The following BICDL1 variants were observed in gnomAD, a reference collection of about 807,000 sequenced individuals.
BICDL1 encodes BICD family-like cargo adapter 1.
In BICDL1, 20 loss-of-function variants were observed where a neutral mutation model predicts 76.8. That is an observed-to-expected ratio of 0.26 (90% CI 0.18 to 0.38). BICDL1 has a LOEUF of 0.38. Among genes scored for constraint, BICDL1 ranks in the 10% least tolerant of loss-of-function variants. The probability of loss-of-function intolerance (pLI) is 1.00; values close to 1 mark genes in which losing one functional copy is unlikely to be tolerated. For synonymous variants in BICDL1, 383 were observed against 337.1 expected, an observed-to-expected ratio of 1.14 and a Z score of -1.49; for missense variants, 700 against 798.6, an observed-to-expected ratio of 0.88 and a Z score of 1.49.
chr12:120,074,314 C>A (rs901542271), intron 6 of BICDL1, 129 bp from the exon 7 acceptor site: 24 of 454,086 alleles, frequency 5.3e-5, no homozygotes, highest in Non-Finnish European at 6.8e-5. Flanking sequence ...ACTATCTTTC[C>A]CCACATCATT....
chr12:120,094,334 A>G lies in BICDL1; in HGVS notation c.*1173A>G, dbSNP rs1423945006. 2.2e-6 allele frequency: 1 copy of G among 456,218 alleles called. No individual in the cohort carries two copies. Among genetic ancestry groups the G allele is most frequent in the Non-Finnish European group, 4.4e-6 (1 of 226,704 alleles). The allele number at this position is 456,218 out of a possible 1,614,324, so 28.3% of individuals were successfully genotyped here. ...AGAATGTACCTGTAGATGTGTACAT[A>G]CCACAGTGCTGTAATTTTGTATGTA... On this transcript the variant is annotated 3_prime_UTR_variant, in exon 10 of 10. Coordinates refer to ENST00000548673, the MANE Select transcript of BICDL1 (RefSeq NM_001367886.1).
chr12:120,060,382 G>T (rs533972791), intron 2 of BICDL1, among the ~76,000 whole-genome samples: 1 of 152,296 alleles, frequency 6.6e-6, no homozygotes, highest in South Asian at 2.1e-4. Context: ...GCAGCCTAAT[G>T]CTGATTCCTT....
rs1873775534 is a variant in BICDL1, at chr12:120,079,037, G to A, written c.1453-1850G>A. 6.6e-6 allele frequency among the ~76,000 whole-genome samples: 1 copy of A among 152,238 alleles called. No homozygotes were observed. Among genetic ancestry groups the A allele is most frequent in the Admixed American group, 6.5e-5 (1 of 15,290 alleles). On this transcript the variant is annotated intron_variant, in intron 7 of 9. Coordinates refer to ENST00000548673, the MANE Select transcript of BICDL1 (RefSeq NM_001367886.1). This position sits in a 1 kb window ranked among gnomAD's most constrained non-coding sequence, Gnocchi z 4.3. ...TCGGGGCTAGATGCATGTGTGTGCT[G>A]GGTAGCTGCAGGTGCTCCAGCCTGT...
chr12:120,024,924 C>T (rs915403158), intron 2 of BICDL1, among the ~76,000 whole-genome samples: 3 of 152,246 alleles, frequency 2.0e-5, no homozygotes, highest in South Asian at 2.1e-4. Context: ...ATGATCTTCC[C>T]GCCTTGGCCT....
intron 2 of BICDL1, among the ~76,000 whole-genome samples, chr12:120,014,679 G>A (rs1202870974): frequency 6.7e-6 from 1 of 149,804 alleles, no homozygotes; most frequent in Non-Finnish European, 1.5e-5. Context: ...GACAGAGCGA[G>A]ACTCCATCTC....
At chr12:120,037,685 A>C (rs192244106) in intron 2 of BICDL1, among the ~76,000 whole-genome samples, 1 of 152,310 alleles carries the variant, frequency 6.6e-6, no homozygotes, top group East Asian at 1.9e-4. Context: ...ATATGCTTTT[A>C]ATCTCCTAAC....
intron 4 of BICDL1, among the ~76,000 whole-genome samples, chr12:120,070,888 T>C (rs966440099): frequency 2.0e-4 from 30 of 151,356 alleles, no homozygotes; most frequent in African/African-American, 7.3e-4. Context: ...CCTGCCACCA[T>C]GCCCAGCTAA....
Position 120,072,696 on chromosome 12 carries a change from G to A in BICDL1, c.1275G>A (p.Leu425=). 6.2e-7 allele frequency: 1 copy of A among 1,613,702 alleles called. No homozygotes were observed. The highest frequency in any genetic ancestry group is 8.5e-7 in the Non-Finnish European group (1 of 1,180,034). The change falls in exon 6 of 10, where the codon CTG becomes CTA. Residue 425 remains leucine (L), a synonymous_variant. Coordinates refer to ENST00000548673, the MANE Select transcript of BICDL1 (RefSeq NM_001367886.1). Reference sequence around the variant, plus strand: ...CTGCCCTCAATGAGCTCAAGAGACTGATACAGAGCATTGTGGATGGCATGG... The same window carrying A: ...CTGCCCTCAATGAGCTCAAGAGACTAATACAGAGCATTGTGGATGGCATGG... ...LRTALNELKR[L]IQSIVDGMEP...
intron 2 of BICDL1, among the ~76,000 whole-genome samples, chr12:120,013,439 A>AGTGAGTGTGTGT (rs1951996567): frequency 7.4e-6 from 1 of 134,802 alleles, no homozygotes; most frequent in Non-Finnish European, 1.6e-5. Flanking sequence ...CTTTAACCAG[A>AGTGAGTGTGTGT]GTGTGTGTGT....
intron 1 of BICDL1, among the ~76,000 whole-genome samples, chr12:119,995,312 A>C (rs992711093): frequency 2.6e-5 from 4 of 152,202 alleles, no homozygotes; most frequent in African/African-American, 9.7e-5. Context: ...ATTAATAGGA[A>C]AGCCTGGAAT....
chr12:120,061,166 G>T (rs1220856331), intron 2 of BICDL1, among the ~76,000 whole-genome samples: 2 of 152,156 alleles, frequency 1.3e-5, no homozygotes, highest in Non-Finnish European at 2.9e-5. Flanking sequence ...ACTCCCCAAA[G>T]AATTAAAAGT....
intron 2 of BICDL1, among the ~76,000 whole-genome samples, chr12:120,029,938 T>G (rs1952388170): frequency 6.6e-6 from 1 of 152,216 alleles, no homozygotes; most frequent in Non-Finnish European, 1.5e-5. Flanking sequence ...TGAGCCACCA[T>G]GCCCGGCCCA....
chr12:120,051,054 CAG>C lies in BICDL1; in HGVS notation c.646-10653_646-10652del, dbSNP rs574746544. Among the ~76,000 whole-genome samples the C allele has an allele frequency of 3.3e-3, 497 of 151,694 alleles. 2 individuals are homozygous for C. Among genetic ancestry groups the C allele is most frequent in the South Asian group, 0.012 (57 of 4,778 alleles). ...AGATTTTTTTTCTTTTCCCCCGAGA[CAG>C]AGTCTTGCTCTGTCGCCCAGAGCTG... On this transcript the variant is annotated intron_variant, in intron 2 of 9. Transcript: ENST00000548673.
At chr12:119,995,792 C>T (rs1024117502) in intron 1 of BICDL1, among the ~76,000 whole-genome samples, 5 of 152,090 alleles carry the variant, frequency 3.3e-5, no homozygotes, top group Admixed American at 1.3e-4. Flanking sequence ...CGAGACCATC[C>T]TGGCTAACAC....
rs556170691 is a variant in BICDL1 at position 120,025,292 on chromosome 12, C to T, written c.645+26556C>T. On this transcript the variant is annotated intron_variant, in intron 2 of 9. Transcript: ENST00000548673. ...GTCTTGATCTCCTGACCTCGTGATC[C>T]GCCCTCCTTGGCCTCCCAAAGTGCT... Among the ~76,000 whole-genome samples the T allele has an allele frequency of 7.3e-4, 110 of 151,704 alleles. 1 individual carries two copies. The highest frequency in any genetic ancestry group is 2.5e-3 in the African/African-American group (103 of 41,382).
At chr12:120,060,113 A>G (rs1217347121) in intron 2 of BICDL1, among the ~76,000 whole-genome samples, 3 of 152,230 alleles carry the variant, frequency 2.0e-5, no homozygotes. Flanking sequence ...GTAACAATCA[A>G]GATAATGCAT....
intron 2 of BICDL1, among the ~76,000 whole-genome samples, chr12:120,020,020 A>G (rs1952146871): frequency 6.6e-6 from 1 of 152,172 alleles, no homozygotes. Flanking sequence ...TGCTGTTCAT[A>G]TATCTTTTTT....
chr12:119,994,520 C>T (rs1951596359), intron 1 of BICDL1, among the ~76,000 whole-genome samples: 2 of 151,364 alleles, frequency 1.3e-5, no homozygotes, highest in South Asian at 2.1e-4. Context: ...GACGGAGTCT[C>T]ACTTTGTTAC....
At chr12:120,000,804 A>C (rs1951744272) in intron 2 of BICDL1, among the ~76,000 whole-genome samples, 1 of 152,236 alleles carries the variant, frequency 6.6e-6, no homozygotes, top group East Asian at 1.9e-4. Context: ...CTTTTCTTTA[A>C]AATGGGTGTA....
Sources: allele counts gnomAD v4.1 joint callset (sites outside exome capture counted in the v4.1 genomes callset), GRCh38; gene constraint gnomAD v4.1.1; non-coding constraint Gnocchi (gnomAD v3.1); transcripts MANE v1.5; gene names NCBI Gene and HGNC (gene_info 2026-07-23, HGNC 2026-07-21).